SLC9A9: variants seen among roughly 807,000 people sequenced by gnomAD.
SLC9A9 encodes sodium/hydrogen exchanger 9.
A neutral mutation model predicts 77.8 loss-of-function variants in SLC9A9; 62 were observed. The observed-to-expected ratio is 0.80, with a 90% CI of 0.65 to 0.98. The LOEUF is 0.98. Among genes scored for constraint, SLC9A9 ranks in the 50% least tolerant of loss-of-function variants. The probability of loss-of-function intolerance (pLI) is 0.00; values close to 1 mark genes in which losing one functional copy is unlikely to be tolerated. For synonymous variants in SLC9A9, 320 were observed against 283.5 expected (o/e 1.13, Z -1.29); for missense variants, 775 against 774.9 (o/e 1.00, Z 0.00).
In SLC9A9 at chr3:143,534,171, G is replaced by A. The variant is rs532828206; in HGVS notation, c.1089+18191C>T. Among the ~76,000 whole-genome samples the A allele has an allele frequency of 6.6e-5, 10 of 152,254 alleles. No individual in the cohort carries two copies. In the East Asian group the frequency reaches 1.9e-3, roughly 29 times the overall value. On this transcript the variant is annotated intron_variant, in intron 9 of 15. Coordinates refer to ENST00000316549, the MANE Select transcript of SLC9A9 (RefSeq NM_173653.4). ...ATTATATTAATTAAAAGATAATAATGTTTCATGAATCAGGCAAATCTGGAA... is the reference window on the plus strand; with the variant it reads ...ATTATATTAATTAAAAGATAATAATATTTCATGAATCAGGCAAATCTGGAA...
At chr3:143,770,129 T>G (rs1167286660) in intron 4 of SLC9A9, among the ~76,000 whole-genome samples, 1 of 152,150 alleles carries the variant, frequency 6.6e-6, no homozygotes, top group Non-Finnish European at 1.5e-5. Flanking sequence ...TAATCTAGAA[T>G]GTAATGCAAT....
At chr3:143,338,244 G>T (rs766168448) in intron 14 of SLC9A9, among the ~76,000 whole-genome samples, 3 of 152,126 alleles carry the variant, frequency 2.0e-5, no homozygotes, top group Non-Finnish European at 4.4e-5. Flanking sequence ...ATTTTAAGAG[G>T]ATTCATTATA....
At chr3:143,622,798 C>T (rs964951315) in intron 6 of SLC9A9, among the ~76,000 whole-genome samples, 1 of 152,098 alleles carries the variant, frequency 6.6e-6, no homozygotes. Flanking sequence ...GCTAAATGCT[C>T]CAATTTAAAG....
In SLC9A9 at chr3:143,295,415, C is replaced by T. The variant is rs899667904; in HGVS notation, c.1605-26435G>A. Among the ~76,000 whole-genome samples, 9 of 152,298 alleles carry T rather than the reference C, an allele frequency of 5.9e-5. No individual in the cohort carries two copies. In the East Asian group the frequency reaches 9.7e-4, roughly 16 times the overall value. ...ACTAGAAGAGACTTGCATTCAAGAA[C>T]GTGCCGTTCCAGTAATCAGGTCTAT... On this transcript the variant is annotated intron_variant, in intron 14 of 15. Transcript: ENST00000316549.
At chr3:143,699,878 C>T (rs1933746919) in intron 4 of SLC9A9, among the ~76,000 whole-genome samples, 1 of 151,912 alleles carries the variant, frequency 6.6e-6, no homozygotes, top group African/African-American at 2.4e-5. Context: ...CCTGTGTGAC[C>T]CCTCCTTCAA....
intron 11 of SLC9A9, 142 bp downstream of exon 11, chr3:143,493,511 C>T (rs113162703): frequency 6.5e-5 from 46 of 706,770 alleles, no homozygotes; most frequent in East Asian, 8.3e-5. Context: ...TCAGCACTTA[C>T]GGAGAATCAG....
At chr3:143,312,583 G>GA (rs1470591912) in intron 14 of SLC9A9, among the ~76,000 whole-genome samples, 3 of 152,176 alleles carry the variant, frequency 2.0e-5, no homozygotes, top group Non-Finnish European at 2.9e-5. Context: ...TCTAGTAGCT[G>GA]AAAACTTACC....
At chr3:143,814,216 G>A (rs1325186297) in intron 2 of SLC9A9, among the ~76,000 whole-genome samples, 2 of 152,166 alleles carry the variant, frequency 1.3e-5, no homozygotes, top group South Asian at 2.1e-4. Context: ...GAAAGGCTGA[G>A]GGCTCATGGA....
chr3:143,409,278 T>C lies in SLC9A9; in HGVS notation c.1470-27164A>G, dbSNP rs542179293. On this transcript the variant is annotated intron_variant, in intron 12 of 15. Coordinates refer to ENST00000316549, the MANE Select transcript of SLC9A9 (RefSeq NM_173653.4). ...GGCAAGCACAAAAATAGTTATCTGA[T>C]CTTCCATGGCTTGAACATGAGACAA... Among the ~76,000 whole-genome samples, 9 of 152,340 alleles carry C rather than the reference T, an allele frequency of 5.9e-5. No homozygotes were observed. In the South Asian group the frequency reaches 1.9e-3, roughly 32 times the overall value.
chr3:143,526,254 G>T (rs57588388), intron 9 of SLC9A9, among the ~76,000 whole-genome samples: 1 of 152,078 alleles, frequency 6.6e-6, no homozygotes, highest in Non-Finnish European at 1.5e-5. Flanking sequence ...AAGTCTGGAG[G>T]GTTTGTTTTC....
At chr3:143,495,620 G>A (rs10935496) in intron 9 of SLC9A9, among the ~76,000 whole-genome samples, 172 bp from the exon 10 acceptor site, 19,453 of 152,058 alleles carry the variant, frequency 0.13, 1,457 homozygotes, top group East Asian at 0.24. Context: ...CTTGACCCAG[G>A]GACAGATGCC....
intron 4 of SLC9A9, among the ~76,000 whole-genome samples, chr3:143,779,576 G>T (rs1006954933): frequency 3.9e-5 from 6 of 152,082 alleles, no homozygotes; most frequent in Non-Finnish European, 5.9e-5. Context: ...TCACCATGTT[G>T]GCCAGGCTGC....
chr3:143,745,810 A>T (rs1935186501), intron 4 of SLC9A9, among the ~76,000 whole-genome samples: 1 of 151,424 alleles, frequency 6.6e-6, no homozygotes, highest in African/African-American at 2.5e-5. Context: ...AAAGAAAATA[A>T]AAAGAAAAGA....
chr3:143,514,019 C>T (rs1294114405), intron 9 of SLC9A9, among the ~76,000 whole-genome samples: 2 of 146,050 alleles, frequency 1.4e-5, no homozygotes, highest in African/African-American at 2.8e-5. Flanking sequence ...GGACAGGCCT[C>T]GGTGTGTGAT....
At chr3:143,761,701 G>C (rs577076243) in intron 4 of SLC9A9, among the ~76,000 whole-genome samples, 1 of 152,194 alleles carries the variant, frequency 6.6e-6, no homozygotes, top group African/African-American at 2.4e-5. Flanking sequence ...ACAGGTGCTA[G>C]AGAGGATGTG....
intron 12 of SLC9A9, among the ~76,000 whole-genome samples, chr3:143,393,033 A>G: frequency 6.6e-6 from 1 of 152,274 alleles, no homozygotes; most frequent in Non-Finnish European, 1.5e-5. Flanking sequence ...TTAGACAGAT[A>G]AATGAGACAG....
At chr3:143,556,405 C>A (rs114788605) in intron 8 of SLC9A9, among the ~76,000 whole-genome samples, 168 of 152,304 alleles carry the variant, frequency 1.1e-3, no homozygotes, top group African/African-American at 3.7e-3. Context: ...GCTGTTGGAT[C>A]CTGCCAGTAT....
At chr3:143,632,812 A>G (rs576868787) in intron 6 of SLC9A9, among the ~76,000 whole-genome samples, 36 of 152,288 alleles carry the variant, frequency 2.4e-4, no homozygotes, top group African/African-American at 8.4e-4. Flanking sequence ...ATCTGTTCCT[A>G]TGGTTTGGGA....
At chr3:143,797,170 ATG>A (rs1163773200) in intron 2 of SLC9A9, among the ~76,000 whole-genome samples, 1 of 50,500 alleles carries the variant, frequency 2.0e-5, no homozygotes, top group Non-Finnish European at 3.6e-5. Flanking sequence ...TCTGAGAAAA[ATG>A]TCTTTTTATA....
Sources: gnomAD v4.1 joint callset for allele counts (sites outside exome capture counted in the v4.1 genomes callset) on GRCh38, gnomAD v4.1.1 for gene constraint, MANE v1.5 for transcripts, NCBI Gene and HGNC (gene_info 2026-07-23, HGNC 2026-07-21) for gene names.